Variants in NOTCH4 observed in about 807,000 individuals in gnomAD.
The protein encoded by NOTCH4 is neurogenic locus notch homolog protein 4.
A neutral mutation model predicts 189.0 loss-of-function variants in NOTCH4; 138 were observed. The observed-to-expected ratio is 0.73, with a 90% CI of 0.64 to 0.84. The LOEUF (loss-of-function observed/expected upper bound fraction) is 0.84. NOTCH4 is among the 40% of genes least tolerant of loss of function. The pLI, the probability that NOTCH4 is intolerant of heterozygous loss-of-function variation, is 0.00. For missense variants in NOTCH4, 2,286 were observed against 2,605.4 expected, an observed-to-expected ratio of 0.88 and a Z score of 2.67; for synonymous variants, 942 against 1,032.8, an observed-to-expected ratio of 0.91 and a Z score of 1.69.
chr6:32,214,345 C>T, intron 12 of NOTCH4, 90 bp from the exon 13 acceptor site: 1 of 1,448,532 alleles, frequency 6.9e-7, no homozygotes, highest in Non-Finnish European at 9.5e-7. Context: ...ACTTCCTCTT[C>T]TTTTGGCCCT....
intron 27 of NOTCH4, 47 bp downstream of exon 27, chr6:32,197,252 C>G (rs1375671201): frequency 1.3e-6 from 2 of 1,514,518 alleles, no homozygotes; most frequent in African/African-American, 2.8e-5. Flanking sequence ...TCCAGCTTTA[C>G]TTGTAAGCTC....
chr6:32,209,994 A>G (rs892167276), intron 18 of NOTCH4, among the ~76,000 whole-genome samples: 5 of 152,168 alleles, frequency 3.3e-5, no homozygotes, highest in Non-Finnish European at 7.4e-5. Flanking sequence ...CCACACACAC[A>G]AAAAAGTTGT....
At chr6:32,223,371 G>C (rs1789918399) in intron 1 of NOTCH4, among the ~76,000 whole-genome samples, 1 of 152,134 alleles carries the variant, frequency 6.6e-6, no homozygotes, top group Admixed American at 6.5e-5. Flanking sequence ...CAGAAGAGGG[G>C]CGGAGGTGGC....
intron 12 of NOTCH4, 127 bp downstream of exon 12, chr6:32,215,099 T>C: frequency 1.1e-6 from 1 of 880,994 alleles, no homozygotes; most frequent in Non-Finnish European, 1.7e-6. Context: ...CCTAAGAACT[T>C]TGCCATCTCC....
chr6:32,206,529 T>C (rs749787978), intron 18 of NOTCH4, among the ~76,000 whole-genome samples: 48 of 152,062 alleles, frequency 3.2e-4, no homozygotes, highest in African/African-American at 1.1e-3. Context: ...CTATAAAACA[T>C]TGATGAAATA....
chr6:32,220,085 C>A lies in NOTCH4; in HGVS notation c.1315+44G>T. 1.3e-6 allele frequency: 2 copies of A among 1,596,214 alleles called. 1 individual carries two copies. On this transcript the variant is annotated intron_variant, in intron 7 of 29. Transcript: ENST00000375023. ...CCCTTTTCTGTCTTCAGTGCAGAGGCCTGTCTGAGGCTCAGAGAGGCTCTG... is the reference window on the plus strand; with the variant it reads ...CCCTTTTCTGTCTTCAGTGCAGAGGACTGTCTGAGGCTCAGAGAGGCTCTG...
rs781345939 is a variant in NOTCH4, at chr6:32,223,930, C to A, written c.-2G>T. On this transcript the variant is annotated 5_prime_UTR_variant, in exon 1 of 30. Transcript: ENST00000375023. ...CAGCAGCAGTGAAGGGGGCTGCATT[C>A]CACAGCCCCTTCTCCAAGCCCCGGT... 2.3e-5 allele frequency: 37 copies of A among 1,597,180 alleles called. No homozygotes were observed. The African/African-American group carries it at 5.0e-4, about 21-fold the overall frequency.
intron 18 of NOTCH4, among the ~76,000 whole-genome samples, chr6:32,206,885 A>T (rs1035949803): frequency 1.2e-4 from 19 of 152,106 alleles, no homozygotes; most frequent in African/African-American, 3.4e-4. Context: ...AGCCCAGAAA[A>T]ACAAGTCCAA....
intron 18 of NOTCH4, among the ~76,000 whole-genome samples, chr6:32,204,697 C>T (rs1482211747): frequency 6.6e-6 from 1 of 152,210 alleles, no homozygotes; most frequent in Non-Finnish European, 1.5e-5. Flanking sequence ...CTCTCTCATA[C>T]TTTATTAATT....
chr6:32,198,655 C>G lies in NOTCH4; in HGVS notation c.4611G>C (p.Val1537=), dbSNP rs1184428702. ...CTTGCCCCAGCCCTTTCACCTGGCC[C>G]ACCTCCTCTCCCTCCTCAGGGCCTG... is the stretch of plus-strand genomic sequence containing the variant. ...MCSGPEEGEE[V]GQAEETGPPS... The change falls in exon 25 of 30, where the codon GTG becomes GTC. Residue 1537 remains valine, a synonymous_variant. Coordinates refer to ENST00000375023, the MANE Select transcript of NOTCH4 (RefSeq NM_004557.4). This position sits in a 1 kb window ranked among gnomAD's most constrained non-coding sequence, Gnocchi z 5.5. 3.1e-6 allele frequency: 5 copies of G among 1,612,108 alleles called. No homozygotes were observed. Among genetic ancestry groups the G allele is most frequent in the Non-Finnish European group, 3.4e-6 (4 of 1,179,604 alleles).
intron 18 of NOTCH4, among the ~76,000 whole-genome samples, chr6:32,209,162 T>C (rs1788865257): frequency 1.3e-5 from 2 of 152,172 alleles, no homozygotes. Flanking sequence ...GAAAGACAAA[T>C]ATTGCATGTC....
chr6:32,202,552 G>C lies in NOTCH4; in HGVS notation c.3279C>G (p.Phe1093Leu), dbSNP rs2127467685. 1 of 1,604,376 alleles carries C rather than the reference G, an allele frequency of 6.2e-7. No homozygotes were observed. The highest frequency in any genetic ancestry group is 8.5e-7 in the Non-Finnish European group (1 of 1,173,206). Residue 1093 changes from phenylalanine (F) to leucine (L), a missense_variant, in exon 21 of 30, where the codon TTC becomes TTG. Phe to Leu is a conservative substitution (Grantham distance 22, BLOSUM62 0). Around this residue, in one of 2 missense-constraint regions of NOTCH4, gnomAD observed 1,903 missense variants for 2,261.9 expected, o/e 0.84. Coordinates refer to ENST00000375023, the MANE Select transcript of NOTCH4 (RefSeq NM_004557.4). The surrounding 1 kb of genome is among the most constrained non-coding windows in gnomAD (Gnocchi z 5.7). ...TCSHRAPSCG[F>L]HHCHHGGLCL... ...ACAGGCCTCCGTGGTGGCAGTGATGGAAGCCGCAGGAAGGGGCCCTGTGGC... is the reference window on the plus strand; with the variant it reads ...ACAGGCCTCCGTGGTGGCAGTGATGCAAGCCGCAGGAAGGGGCCCTGTGGC...
chr6:32,213,561 T>C, intron 14 of NOTCH4, 127 bp downstream of exon 14: 2 of 1,169,550 alleles, frequency 1.7e-6, no homozygotes, highest in South Asian at 1.5e-5. Context: ...AATTTAGAGA[T>C]GGAGTTTCAT....
intron 11 of NOTCH4, chr6:32,216,419 C>T (rs978902971): frequency 7.5e-5 from 13 of 174,456 alleles, no homozygotes; most frequent in East Asian, 1.6e-4. Flanking sequence ...TGAGCCACCA[C>T]GCCCAGCCTC....
At position 32,195,599 on chromosome 6, in the gene NOTCH4, G is replaced by A; in HGVS notation, c.5850C>T (p.Pro1950=). 2 of 1,613,128 alleles carry A rather than the reference G, an allele frequency of 1.2e-6. No individual in the cohort carries two copies. The highest frequency in any genetic ancestry group is 1.7e-6 in the Non-Finnish European group (2 of 1,180,034). Residue 1950 remains proline (P), a synonymous_variant, in exon 30 of 30, where the codon CCC becomes CCT. Coordinates refer to ENST00000375023, the MANE Select transcript of NOTCH4 (RefSeq NM_004557.4). This position sits in a 1 kb window ranked among gnomAD's most constrained non-coding sequence, Gnocchi z 5.4. The part of the protein sequence containing the change: ...RGGRVSTDDW[P]CDWVALGACG... ...AAGCTCCCAGGGCCACCCAATCACA[G>A]GGCCAGTCATCCGTTGAGACCCTGC...
In NOTCH4 at chr6:32,223,978, A is replaced by G. The variant is rs1358577260; in HGVS notation, c.-50T>C. ...GGTCCCTGTCCCTCTTCAGGCAGGG[A>G]CCCTCAGAGCTCTCACTGGGGCAGG... On this transcript the variant is annotated 5_prime_UTR_variant, in exon 1 of 30. Coordinates refer to ENST00000375023, the MANE Select transcript of NOTCH4 (RefSeq NM_004557.4). The G allele has an allele frequency of 2.0e-6, 3 of 1,513,540 alleles. No homozygotes were observed. The highest frequency in any genetic ancestry group is 2.4e-5 in the East Asian group (1 of 40,832). 93.8% of individuals were successfully genotyped at this position (1,513,540 alleles called of 1,614,324 possible).
In NOTCH4 at chr6:32,195,196, CCTGT is replaced by C; in HGVS notation, c.*237_*240del. ...TCCACTCCACTCTGCCCTCCTGTGG[CCTGT>C]CTTATTTTCTGGAGGAGGACTGGGC... On this transcript the variant is annotated 3_prime_UTR_variant, in exon 30 of 30. Transcript: ENST00000375023. The surrounding 1 kb of genome is among the most constrained non-coding windows in gnomAD (Gnocchi z 5.4). 1 of 535,136 alleles carries C rather than the reference CCTGT, an allele frequency of 1.9e-6. No homozygotes were observed. The highest frequency in any genetic ancestry group is 2.8e-5 in the South Asian group (1 of 35,812). 33.1% of individuals were successfully genotyped at this position (535,136 alleles called of 1,614,324 possible).
At chr6:32,196,671 T>TC (rs1301160721) in intron 28 of NOTCH4, among the ~76,000 whole-genome samples, 24 of 148,714 alleles carry the variant, frequency 1.6e-4, no homozygotes, top group South Asian at 2.2e-4. Flanking sequence ...CCCACGAGAT[T>TC]CCCCCCCCTT....
At chr6:32,213,351 C>G (rs1789157225) in intron 14 of NOTCH4, 99 bp from the exon 15 acceptor site, 1 of 737,882 alleles carries the variant, frequency 1.4e-6, no homozygotes, top group South Asian at 1.8e-5. Flanking sequence ...CCACCCCCAT[C>G]AAAACGACAG....
Sources: allele counts gnomAD v4.1 joint callset (sites outside exome capture counted in the v4.1 genomes callset), GRCh38; gene constraint gnomAD v4.1.1; regional missense constraint gnomAD v4.1.1; non-coding constraint Gnocchi (gnomAD v3.1); transcripts MANE v1.5; gene names NCBI Gene and HGNC (gene_info 2026-07-23, HGNC 2026-07-21).